ITIH1: variants seen among roughly 807,000 people sequenced by gnomAD.
ITIH1 encodes the protein inter-alpha-trypsin inhibitor heavy chain 1.
In ITIH1, 94 loss-of-function variants were observed where a neutral mutation model predicts 104.6. The observed-to-expected ratio is 0.90, with a 90% CI of 0.76 to 1.07. The LOEUF is 1.07. ITIH1 is among the 50% of genes least tolerant of loss of function. ITIH1 has a pLI of 0.00. For missense variants in ITIH1, 1,193 were observed against 1,181.4 expected (o/e 1.01, Z -0.14); for synonymous variants, 455 against 464.4 (o/e 0.98, Z 0.26).
chr3:52,783,149 C>G (rs777062292), intron 9 of ITIH1, 24 bp downstream of exon 9: 2 of 1,595,768 alleles, frequency 1.3e-6, no homozygotes, highest in Non-Finnish European at 1.7e-6. Context: ...TCTCAGGCAA[C>G]CTTGATGTCA....
intron 20 of ITIH1, among the ~76,000 whole-genome samples, 153 bp downstream of exon 20, chr3:52,791,074 T>C (rs1284290711): frequency 6.6e-6 from 1 of 152,162 alleles, no homozygotes; most frequent in African/African-American, 2.4e-5. Context: ...TGAGGGGCTG[T>C]GTTGGTGAGG....
chr3:52,784,249 T>G (rs1267827850), intron 10 of ITIH1, 47 bp from the exon 11 acceptor site: 13 of 1,538,604 alleles, frequency 8.4e-6, no homozygotes, highest in Non-Finnish European at 1.2e-5. Flanking sequence ...GTGCCCCACA[T>G]GCCTGTGGGC....
At chr3:52,786,859 T>C (rs1699216288) in intron 13 of ITIH1, 86 bp from the exon 14 acceptor site, 1 of 1,403,884 alleles carries the variant, frequency 7.1e-7, no homozygotes, top group South Asian at 1.3e-5. Flanking sequence ...AATGAATGAA[T>C]GAATGAATGA....
At chr3:52,780,781 T>A (rs1229322947) in intron 6 of ITIH1, among the ~76,000 whole-genome samples, 4 of 152,236 alleles carry the variant, frequency 2.6e-5, no homozygotes, top group Non-Finnish European at 5.9e-5. Context: ...TCAGGTTTCT[T>A]GGAAACATAA....
chr3:52,785,006 G>A, intron 11 of ITIH1, 38 bp from the exon 12 acceptor site: 1 of 1,601,004 alleles, frequency 6.2e-7, no homozygotes, highest in Non-Finnish European at 8.5e-7. Context: ...AGGAGCCCAG[G>A]GTGCTCAGCT....
chr3:52,787,555 G>A lies in ITIH1; in HGVS notation c.1904-37G>A, dbSNP rs754246088. The A allele has an allele frequency of 8.7e-6, 14 of 1,613,836 alleles. No individual in the cohort carries two copies. In the South Asian group the frequency reaches 1.4e-4, roughly 16 times the overall value. ...GCCTTTCGTGTGGGGCACCGTGGGTGACACTGTCTTCGATAATATGTCCTT... is the reference window on the plus strand; with the variant it reads ...GCCTTTCGTGTGGGGCACCGTGGGTAACACTGTCTTCGATAATATGTCCTT... On this transcript the variant is annotated intron_variant, in intron 15 of 21. Coordinates refer to ENST00000273283, the MANE Select transcript of ITIH1 (RefSeq NM_002215.4).
rs1370217980 is a variant in ITIH1, at chr3:52,783,245, A to G, written c.1131A>G (p.Gly377=). 6.2e-7 allele frequency: 1 copy of G among 1,613,940 alleles called. No individual in the cohort carries two copies. The highest frequency in any genetic ancestry group is 1.3e-5 in the African/African-American group (1 of 74,884). Reference sequence around the variant, plus strand: ...ACCTGAATGGAGGTTTGCTCCGGGGAATTGAGATCTTGAACCAAGTTCAGG... The same window carrying G: ...ACCTGAATGGAGGTTTGCTCCGGGGGATTGAGATCTTGAACCAAGTTCAGG... ...ATNLNGGLLR[G]IEILNQVQES... The change falls in exon 10 of 22, where the codon GGA becomes GGG. Residue 377 remains glycine, a synonymous_variant. Transcript: ENST00000273283.
At position 52,788,341 on chromosome 3, in the gene ITIH1, C is replaced by A. The variant is rs150857494; in HGVS notation, c.2115C>A (p.Asn705Lys). ...TCCTGAGCCTGGTACAGGACCCCAA[C>A]ACAGGTATGGCGGGCATCACACCTC... ...GVILSLVQDP[N>K]TGFSVNGQLI... Residue 705 changes from asparagine (N) to lysine (K), a missense_variant, in exon 18 of 22, where the codon AAC becomes AAA. Transcript: ENST00000273283. The A allele has an allele frequency of 9.8e-5, 156 of 1,589,608 alleles. No individual in the cohort carries two copies. The highest frequency in any genetic ancestry group is 8.2e-5 in the Non-Finnish European group (95 of 1,163,410).
At chr3:52,784,555 C>T (rs1699150817) in intron 11 of ITIH1, 78 bp downstream of exon 11, 2 of 1,417,710 alleles carry the variant, frequency 1.4e-6, no homozygotes, top group African/African-American at 2.8e-5. Context: ...GCCCATCAGC[C>T]TAGAGGAGCA....
At chr3:52,787,547 C>T (rs1403967371) in intron 15 of ITIH1, 45 bp from the exon 16 acceptor site, 1 of 1,613,110 alleles carries the variant, frequency 6.2e-7, no homozygotes, top group Non-Finnish European at 8.5e-7. Flanking sequence ...GTGTGGGGCA[C>T]CGTGGGTGAC....
intron 5 of ITIH1, 113 bp from the exon 6 acceptor site, chr3:52,780,156 G>T (rs983265098): frequency 1.0e-6 from 1 of 960,854 alleles, no homozygotes; most frequent in South Asian, 1.6e-5. Context: ...TCCCAGCTAC[G>T]TGGGAGGCTG....
At position 52,791,929 on chromosome 3, in the gene ITIH1, C is replaced by G. The variant is rs1445425686; in HGVS notation, c.*18C>G. ...TCTTCTGAGCCCTCTGGCCAGCACGCCTGTCCTCCCCCGGGGCCAAGGCAG... is the reference window on the plus strand; with the variant it reads ...TCTTCTGAGCCCTCTGGCCAGCACGGCTGTCCTCCCCCGGGGCCAAGGCAG... On this transcript the variant is annotated 3_prime_UTR_variant, in exon 22 of 22. Transcript: ENST00000273283. 6.2e-7 allele frequency: 1 copy of G among 1,602,896 alleles called. No homozygotes were observed. The highest frequency in any genetic ancestry group is 1.7e-5 in the Admixed American group (1 of 58,768).
In ITIH1 at chr3:52,791,558, C is replaced by T. The variant is rs79245058; in HGVS notation, c.2536C>T (p.His846Tyr). 252 of 1,614,134 alleles carry T rather than the reference C, an allele frequency of 1.6e-4. 1 individual carries two copies. The African/African-American group carries it at 3.0e-3, about 19-fold the overall frequency. ...CATCGGTTTTGAAGTGTCTGACATC[C>T]ACCCAGGCTCTGACCCCACAAAGCC... The part of the protein sequence containing the change: ...HPIGFEVSDI[H>Y]PGSDPTKPDA... The change falls in exon 21 of 22, where the codon CAC becomes TAC. Residue 846 changes from histidine (H) to tyrosine (Y), a missense_variant. Physicochemically the swap from His to Tyr is moderately conservative, Grantham distance 83. Transcript: ENST00000273283.
intron 11 of ITIH1, 49 bp downstream of exon 11, chr3:52,784,526 C>T (rs1699149960): frequency 1.9e-6 from 3 of 1,574,582 alleles, no homozygotes; most frequent in Non-Finnish European, 2.6e-6. Flanking sequence ...CATAGGGAGC[C>T]CTGCCTTGGT....
At position 52,778,394 on chromosome 3, in the gene ITIH1, C is replaced by G; in HGVS notation, c.193C>G (p.Arg65Gly). The stretch of plus-strand genomic sequence containing the variant: ...GAAAGTCAACTGCAAAGTCACCTCT[C>G]GCTTCGCCCACTATGTTGTCACCAG... ...SLKVNCKVTS[R>G]FAHYVVTSQV... Residue 65 changes from arginine to glycine, a missense_variant, in exon 3 of 22, where the codon CGC (arginine) becomes GGC (glycine). Coordinates refer to ENST00000273283, the MANE Select transcript of ITIH1 (RefSeq NM_002215.4). 1.2e-6 allele frequency: 2 copies of G among 1,614,206 alleles called. No homozygotes were observed. The highest frequency in any genetic ancestry group is 1.7e-6 in the Non-Finnish European group (2 of 1,180,030).
At chr3:52,781,877 T>C in intron 6 of ITIH1, 63 bp from the exon 7 acceptor site, 2 of 1,593,170 alleles carry the variant, frequency 1.3e-6, no homozygotes, top group Non-Finnish European at 1.7e-6. Context: ...TTATGTTGTC[T>C]TTGCAAACAT....
chr3:52,791,556 T>C lies in ITIH1; in HGVS notation c.2534T>C (p.Ile845Thr), dbSNP rs141362450. 8 of 1,614,104 alleles carry C rather than the reference T, an allele frequency of 5.0e-6. No homozygotes were observed. The highest frequency in any genetic ancestry group is 6.8e-6 in the Non-Finnish European group (8 of 1,180,012). Residue 845 changes from isoleucine (I) to threonine (T), a missense_variant, in exon 21 of 22, where the codon ATC becomes ACC. Transcript: ENST00000273283. ...CCCATCGGTTTTGAAGTGTCTGACA[T>C]CCACCCAGGCTCTGACCCCACAAAG... ...FHPIGFEVSD[I>T]HPGSDPTKPD...
chr3:52,779,626 C>T lies in ITIH1; in HGVS notation c.573+32C>T, dbSNP rs1210244902. The T allele has an allele frequency of 6.2e-7, 1 of 1,611,690 alleles. No homozygotes were observed. Among genetic ancestry groups the T allele is most frequent in the Non-Finnish European group, 8.5e-7 (1 of 1,177,904 alleles). ...CACAGGTCCCGGGGCAGGGGTCCTG[C>T]CCCTCTCTCCGTCACCATGGCTCCC... On this transcript the variant is annotated intron_variant, in intron 5 of 21. Transcript: ENST00000273283. The surrounding 1 kb of genome is among the most constrained non-coding windows in gnomAD (Gnocchi z 4.4).
intron 11 of ITIH1, 46 bp from the exon 12 acceptor site, chr3:52,784,998 G>A: frequency 1.3e-6 from 2 of 1,589,866 alleles, no homozygotes; most frequent in Non-Finnish European, 1.7e-6. Context: ...TTCCCATTAG[G>A]AGCCCAGGGT....
Sources: allele counts gnomAD v4.1 joint callset (sites outside exome capture counted in the v4.1 genomes callset), GRCh38; gene constraint gnomAD v4.1.1; non-coding constraint Gnocchi (gnomAD v3.1); transcripts MANE v1.5; gene names NCBI Gene and HGNC (gene_info 2026-07-23, HGNC 2026-07-21).